PPRC1: variants seen among roughly 807,000 people sequenced by gnomAD.
The protein encoded by PPRC1 is PPARG related coactivator 1.
A neutral mutation model predicts 132.5 loss-of-function variants in PPRC1; 23 were observed. The observed-to-expected ratio is 0.17, with a 90% confidence interval of 0.12 to 0.25. The LOEUF is 0.25. Ranked by LOEUF, PPRC1 falls within the 10% of genes least tolerant of loss-of-function variation. PPRC1 has a pLI of 1.00. For synonymous variants in PPRC1, 872 were observed against 833.5 expected (o/e 1.05, Z -0.80); for missense variants, 2,006 against 2,089.1 (o/e 0.96, Z 0.78).
At chr10:102,130,209 A>T (rs1470342675), upstream of PPRC1, among the ~76,000 whole-genome samples, 6 of 150,334 alleles carry the variant, frequency 4.0e-5, no homozygotes, top group Non-Finnish European at 7.4e-5. Flanking sequence ...GAGATCAGGA[A>T]ATCGAGACCA....
the PPRC1 span, among the ~76,000 whole-genome samples, chr10:102,125,145 C>T: frequency 2.0e-5 from 3 of 152,000 alleles, no homozygotes; most frequent in East Asian, 5.8e-4. Context: ...AGGCTGAATG[C>T]AGTGGCTTGA....
chr10:102,136,432 G>A (rs2068725057), intron 1 of PPRC1, among the ~76,000 whole-genome samples: 2 of 152,034 alleles, frequency 1.3e-5, no homozygotes, highest in Admixed American at 1.3e-4. Flanking sequence ...ATGTGATCCT[G>A]TTCTCAGGCC....
chr10:102,137,115 G>T (rs1464497324), intron 1 of PPRC1, among the ~76,000 whole-genome samples: 1 of 152,192 alleles, frequency 6.6e-6, no homozygotes. Flanking sequence ...GAGTCGGGCG[G>T]ATTACTTGAG....
chr10:102,145,804 G>T (rs1323427862), intron 8 of PPRC1, among the ~76,000 whole-genome samples: 1 of 152,184 alleles, frequency 6.6e-6, no homozygotes, highest in Non-Finnish European at 1.5e-5. Context: ...GGTTGAGCTT[G>T]CAGTGAGCTG....
At chr10:102,125,880 T>TA in the PPRC1 span, among the ~76,000 whole-genome samples, 3 of 150,918 alleles carry the variant, frequency 2.0e-5, no homozygotes, top group Non-Finnish European at 3.0e-5. Context: ...TTTTTTTTTT[T>TA]AGACAGAGTT....
chr10:102,148,571 G>C lies in PPRC1; in HGVS notation c.4550+50G>C. ...ATGCACCTGGGATGCAGGTGCCTAAGAGTTGAGTCTTGAATTGTCTTATGT... is the reference window on the plus strand; with the variant it reads ...ATGCACCTGGGATGCAGGTGCCTAACAGTTGAGTCTTGAATTGTCTTATGT... On this transcript the variant is annotated intron_variant, in intron 10 of 13. Coordinates refer to ENST00000278070, the MANE Select transcript of PPRC1 (RefSeq NM_015062.5). This position sits in a 1 kb window ranked among gnomAD's most constrained non-coding sequence, Gnocchi z 4.2. 1 of 1,612,908 alleles carries C rather than the reference G, an allele frequency of 6.2e-7. No homozygotes were observed. The highest frequency in any genetic ancestry group is 8.5e-7 in the Non-Finnish European group (1 of 1,178,878).
At chr10:102,129,031 G>A (rs1379038486), upstream of PPRC1, among the ~76,000 whole-genome samples, 8 of 142,724 alleles carry the variant, frequency 5.6e-5, no homozygotes, top group East Asian at 1.7e-3. Context: ...CCGGGTTCAC[G>A]CCATTCTCCT....
the PPRC1 span, among the ~76,000 whole-genome samples, chr10:102,124,457 G>A: frequency 1.7e-4 from 26 of 151,448 alleles, no homozygotes; most frequent in Middle Eastern, 3.4e-3. Context: ...TCCGCCTCCC[G>A]GGTTGAAGTG....
At chr10:102,137,719 G>T (rs942668424) in intron 1 of PPRC1, 131 bp from the exon 2 acceptor site, 7 of 816,860 alleles carry the variant, frequency 8.6e-6, no homozygotes, top group Non-Finnish European at 1.3e-5. Context: ...TGCTCTGCTA[G>T]CCCAGAAGTT....
At chr10:102,143,228 G>A (rs1253903678) in intron 6 of PPRC1, 130 bp downstream of exon 6, 2 of 786,556 alleles carry the variant, frequency 2.5e-6, no homozygotes, top group Non-Finnish European at 4.1e-6. Flanking sequence ...CTAATTGGAA[G>A]AGAGAGACAA....
In PPRC1 at chr10:102,147,268, A is replaced by C. The variant is rs369692185; in HGVS notation, c.4276A>C (p.Asn1426His). 5.0e-6 allele frequency: 8 copies of C among 1,613,112 alleles called. No individual in the cohort carries two copies. The South Asian group carries it at 8.8e-5, about 18-fold the overall frequency. The stretch of plus-strand genomic sequence containing the variant: ...GGGCTGGCAGGGCCGCCGAGGCCGC[A>C]ACAGCCGTTCTGTCAGCTCTGGGTC... ...SQGWQGRRGRNSRSVSSGSNR... is the reference protein window; with the variant it reads ...SQGWQGRRGRHSRSVSSGSNR... The change falls in exon 9 of 14, where the codon AAC becomes CAC. Residue 1426 changes from asparagine (N) to histidine (H), a missense_variant. This residue lies in a region of PPRC1 where 1,914 missense variants were observed against 1,917.2 expected (regional missense o/e 1.00). Transcript: ENST00000278070.
At position 102,147,074 on chromosome 10, in the gene PPRC1, A is replaced by G; in HGVS notation, c.4082A>G (p.Glu1361Gly). Residue 1361 changes from glutamate to glycine, a missense_variant, in exon 9 of 14, where the codon GAG becomes GGG. Glu to Gly is a moderately conservative substitution (Grantham distance 98, BLOSUM62 -2). Around this residue, in one of 2 missense-constraint regions of PPRC1, gnomAD observed 1,914 missense variants for 1,917.2 expected, o/e 1.00. Coordinates refer to ENST00000278070, the MANE Select transcript of PPRC1 (RefSeq NM_015062.5). ...CCGCTTGATCACAGGACTAGCAGTG[A>G]GCAGGCAGATCCCTCAGCACCCTGC... ...REPLDHRTSSEQADPSAPCLA... is the reference protein window; with the variant it reads ...REPLDHRTSSGQADPSAPCLA... 1 of 1,614,106 alleles carries G rather than the reference A, an allele frequency of 6.2e-7. No individual in the cohort carries two copies. Among genetic ancestry groups the G allele is most frequent in the African/African-American group, 1.3e-5 (1 of 75,044 alleles).
intron 8 of PPRC1, 117 bp from the exon 9 acceptor site, chr10:102,146,555 C>T (rs1328434195): frequency 1.4e-6 from 2 of 1,412,302 alleles, no homozygotes; most frequent in Admixed American, 2.3e-5. Flanking sequence ...GGGCTGCTTA[C>T]CTTGCTTGGT....
Position 102,133,045 on chromosome 10 carries a change from A to C in PPRC1, c.-24A>C, listed in dbSNP as rs1252107786. 6 of 1,239,934 alleles carry C rather than the reference A, an allele frequency of 4.8e-6. No individual in the cohort carries two copies. The highest frequency in any genetic ancestry group is 4.1e-5 in the South Asian group (1 of 24,336). 76.8% of individuals were successfully genotyped at this position (1,239,934 alleles called of 1,614,324 possible). A position where few individuals can be genotyped will look rare whatever the true frequency, so the allele number is the denominator to read the frequency against. On this transcript the variant is annotated 5_prime_UTR_variant, in exon 1 of 14. Transcript: ENST00000278070. ...GCGAGGCGGCGCCAGCGATCAGAGC[A>C]GCGCTGGGTGTTCAGGGGCCAAGAT...
the PPRC1 span, among the ~76,000 whole-genome samples, chr10:102,121,010 T>A: frequency 6.6e-6 from 1 of 152,132 alleles, no homozygotes; most frequent in Non-Finnish European, 1.5e-5. Context: ...TAGCAACCCC[T>A]CAACTCACCC....
chr10:102,141,084 C>A lies in PPRC1; in HGVS notation c.2576C>A (p.Ser859Tyr), dbSNP rs1185536331. The part of the protein sequence containing the change: ...SQEMPLLARP[S>Y]PPVQSVSPAV... ...GAGATGCCACTGTTGGCGAGACCTT[C>A]CCCTCCTGTGCAGTCTGTGTCCCCT... The change falls in exon 5 of 14, where the codon TCC becomes TAC. Residue 859 changes from serine to tyrosine, a missense_variant. Around this residue, in one of 2 missense-constraint regions of PPRC1, gnomAD observed 1,914 missense variants for 1,917.2 expected, o/e 1.00. Coordinates refer to ENST00000278070, the MANE Select transcript of PPRC1 (RefSeq NM_015062.5). 1.2e-6 allele frequency: 2 copies of A among 1,614,136 alleles called. No individual in the cohort carries two copies. The highest frequency in any genetic ancestry group is 3.3e-4 in the Middle Eastern group (2 of 6,062).
At chr10:102,122,976 T>TA in the PPRC1 span, among the ~76,000 whole-genome samples, 1 of 152,196 alleles carries the variant, frequency 6.6e-6, no homozygotes, top group African/African-American at 2.4e-5. Flanking sequence ...AACTTGCCTG[T>TA]AAAACACTGT....
In PPRC1 at chr10:102,148,220, C is replaced by G. The variant is rs1009339488; in HGVS notation, c.4401-152C>G. On this transcript the variant is annotated intron_variant, in intron 9 of 13. Coordinates refer to ENST00000278070, the MANE Select transcript of PPRC1 (RefSeq NM_015062.5). The surrounding 1 kb of genome is among the most constrained non-coding windows in gnomAD (Gnocchi z 4.2). ...ATGAAGGGCCTCAGTTTGTTCATCT[C>G]TGAATGAAAATTGTTCTTCTAGACC... 2 of 862,626 alleles carry G rather than the reference C, an allele frequency of 2.3e-6. No homozygotes were observed. The highest frequency in any genetic ancestry group is 3.6e-6 in the Non-Finnish European group (2 of 557,368). The allele number at this position is 862,626 out of a possible 1,614,324, so 53.4% of individuals were successfully genotyped here. A position where few individuals can be genotyped will look rare whatever the true frequency, so the allele number is the denominator to read the frequency against.
At chr10:102,130,918 C>T (rs557017094), upstream of PPRC1, among the ~76,000 whole-genome samples, 36 of 151,146 alleles carry the variant, frequency 2.4e-4, no homozygotes, top group Non-Finnish European at 5.0e-4. Flanking sequence ...CATGGCCAGG[C>T]GTGGTGGCTC....
Sources: allele counts gnomAD v4.1 joint callset (sites outside exome capture counted in the v4.1 genomes callset), GRCh38; gene constraint gnomAD v4.1.1; regional missense constraint gnomAD v4.1.1; non-coding constraint Gnocchi (gnomAD v3.1); transcripts MANE v1.5; gene names NCBI Gene and HGNC (gene_info 2026-07-23, HGNC 2026-07-21).